Variants in ATP2B2 observed in about 807,000 individuals in gnomAD.
The protein encoded by ATP2B2 is plasma membrane calcium-transporting ATPase 2.
ATP2B2 carries 15 observed loss-of-function variants against 120.0 expected under a neutral mutation model. That is an observed-to-expected ratio of 0.12 (90% confidence interval 0.08 to 0.19). The LOEUF is 0.19. Ranked by LOEUF, ATP2B2 falls within the 10% of genes least tolerant of loss-of-function variation. The pLI, the probability that ATP2B2 is intolerant of heterozygous loss-of-function variation, is 1.00. For missense variants in ATP2B2, 1,045 were observed against 1,719.8 expected, an observed-to-expected ratio of 0.61 and a Z score of 6.94; for synonymous variants, 694 against 700.3, an observed-to-expected ratio of 0.99 and a Z score of 0.14.
At chr3:10,488,618 C>T (rs374934086) in intron 1 of ATP2B2, among the ~76,000 whole-genome samples, 53 of 152,038 alleles carry the variant, frequency 3.5e-4, no homozygotes, top group Non-Finnish European at 4.1e-4. Flanking sequence ...CTAGACAATG[C>T]GCTAGGTTCT....
intron 2 of ATP2B2, among the ~76,000 whole-genome samples, chr3:10,417,828 GA>G (rs2062841632): frequency 6.6e-6 from 1 of 152,202 alleles, no homozygotes; most frequent in South Asian, 2.1e-4. Context: ...GAAGGGCTGT[GA>G]AAAGGCAAGA....
chr3:10,582,756 C>T (rs540806193), intron 2 of ATP2B2, among the ~76,000 whole-genome samples: 12 of 152,236 alleles, frequency 7.9e-5, no homozygotes, highest in Non-Finnish European at 1.6e-4. Context: ...AGGGCAGGGC[C>T]CTGGATTGTG....
At chr3:10,511,121 C>T (rs1046982823) in intron 3 of ATP2B2, among the ~76,000 whole-genome samples, 3 of 152,134 alleles carry the variant, frequency 2.0e-5, no homozygotes, top group Non-Finnish European at 4.4e-5. Context: ...CTTGCATTTC[C>T]GTGCCTCTGC....
intron 7 of ATP2B2, among the ~76,000 whole-genome samples, chr3:10,385,862 C>T (rs1468303953): frequency 6.6e-6 from 1 of 152,240 alleles, no homozygotes; most frequent in Non-Finnish European, 1.5e-5. Context: ...CAGGCCATTG[C>T]CTCCTTCCTT....
intron 1 of ATP2B2, among the ~76,000 whole-genome samples, chr3:10,472,846 G>C (rs1359799478): frequency 6.6e-6 from 1 of 152,160 alleles, no homozygotes; most frequent in Non-Finnish European, 1.5e-5. Flanking sequence ...TAGCAGTGTC[G>C]GCTAATGTTT....
intron 2 of ATP2B2, among the ~76,000 whole-genome samples, chr3:10,416,762 T>C (rs2125045286): frequency 6.6e-6 from 1 of 151,470 alleles, no homozygotes; most frequent in East Asian, 1.9e-4. Flanking sequence ...CTTTTTCTTT[T>C]TCTTTTTTTT....
In ATP2B2 at chr3:10,606,972, G is replaced by C. The variant is rs1404383972; in HGVS notation, c.-415+12945C>G. On this transcript the variant is annotated intron_variant, in intron 2 of 21. Transcript: ENST00000646379. Reference sequence around the variant, plus strand: ...AGAGGGGGAGGGGGGGAGAGAGAGAGAGAGAGAAAGAAAGAGAGAGAGAGA... The same window carrying C: ...AGAGGGGGAGGGGGGGAGAGAGAGACAGAGAGAAAGAAAGAGAGAGAGAGA... Among the ~76,000 whole-genome samples, 2 of 72,844 alleles carry C rather than the reference G, an allele frequency of 2.7e-5. 1 individual carries two copies. Among genetic ancestry groups the C allele is most frequent in the Non-Finnish European group, 5.2e-5 (2 of 38,326 alleles). The allele number at this position is 72,844 out of a possible 152,430, so 47.8% of individuals were successfully genotyped here.
At chr3:10,577,718 C>T (rs1380747415) in intron 2 of ATP2B2, among the ~76,000 whole-genome samples, 1 of 152,184 alleles carries the variant, frequency 6.6e-6, no homozygotes, top group Non-Finnish European at 1.5e-5. Flanking sequence ...TTGGCAAGCT[C>T]ATGGGGATGC....
chr3:10,386,819 T>C (rs1468254893), intron 6 of ATP2B2, among the ~76,000 whole-genome samples: 1 of 152,180 alleles, frequency 6.6e-6, no homozygotes, highest in Non-Finnish European at 1.5e-5. Flanking sequence ...ATGAGGCTAT[T>C]TTTCTGACAT....
In ATP2B2 at chr3:10,595,507, C is replaced by T. The variant is rs191452491; in HGVS notation, c.-415+24410G>A. The stretch of plus-strand genomic sequence containing the variant: ...AACAGCCCTGTAAATAAACTATTAC[C>T]CTCACGGTGCAGATAAGGAAACAGA... On this transcript the variant is annotated intron_variant, in intron 2 of 21. Coordinates refer to the ATP2B2 transcript ENST00000646379. Among the ~76,000 whole-genome samples the T allele has an allele frequency of 1.1e-3, 175 of 152,212 alleles. 1 individual carries two copies. The highest frequency in any genetic ancestry group is 1.9e-3 in the Non-Finnish European group (132 of 68,008).
chr3:10,551,517 C>T (rs1418278864), intron 2 of ATP2B2, among the ~76,000 whole-genome samples: 1 of 152,210 alleles, frequency 6.6e-6, no homozygotes, highest in Non-Finnish European at 1.5e-5. Flanking sequence ...TATTCCACAG[C>T]CCTGCTTTGG....
At chr3:10,377,421 G>A (rs1042286931) in intron 10 of ATP2B2, among the ~76,000 whole-genome samples, 5 of 152,222 alleles carry the variant, frequency 3.3e-5, no homozygotes, top group Admixed American at 1.3e-4. Flanking sequence ...CCTTCCCCAT[G>A]CTGTGGTGTC....
At chr3:10,353,454 C>T (rs573783050) in intron 14 of ATP2B2, among the ~76,000 whole-genome samples, 1 of 152,306 alleles carries the variant, frequency 6.6e-6, no homozygotes, top group East Asian at 1.9e-4. Flanking sequence ...GTCCACTCTG[C>T]ACTGGCAGAG....
At chr3:10,413,409 C>T (rs1392712779) in intron 2 of ATP2B2, among the ~76,000 whole-genome samples, 1 of 152,232 alleles carries the variant, frequency 6.6e-6, no homozygotes, top group Non-Finnish European at 1.5e-5. Flanking sequence ...TTGGTGCAGG[C>T]AAGCTCTTGG....
At chr3:10,523,477 G>C (rs1340202427) in intron 3 of ATP2B2, among the ~76,000 whole-genome samples, 1 of 152,184 alleles carries the variant, frequency 6.6e-6, no homozygotes, top group Admixed American at 6.5e-5. Context: ...ATTGCTCATG[G>C]AAGGCGGAAT....
intron 2 of ATP2B2, among the ~76,000 whole-genome samples, chr3:10,598,955 A>G (rs906438898): frequency 6.6e-6 from 1 of 152,246 alleles, no homozygotes; most frequent in Non-Finnish European, 1.5e-5. Flanking sequence ...GGAAAAGCAT[A>G]TCTGATAACA....
chr3:10,707,603 G>A lies in ATP2B2; in HGVS notation c.-460+312C>T, dbSNP rs192363721. Reference sequence around the variant, plus strand: ...GCCCCCCCAGCTCCGGGGCTGCTCCGAGCCCGGAAAGTTTTCGCGCAGCAG... The same window carrying A: ...GCCCCCCCAGCTCCGGGGCTGCTCCAAGCCCGGAAAGTTTTCGCGCAGCAG... On this transcript the variant is annotated intron_variant, in intron 1 of 21. Transcript: ENST00000646379. Among the ~76,000 whole-genome samples the A allele has an allele frequency of 2.3e-3, 350 of 152,172 alleles. 2 individuals are homozygous for A. The highest frequency in any genetic ancestry group is 7.8e-3 in the African/African-American group (326 of 41,542).
At chr3:10,663,462 G>T (rs564899722) in intron 1 of ATP2B2, among the ~76,000 whole-genome samples, 3 of 152,274 alleles carry the variant, frequency 2.0e-5, no homozygotes, top group African/African-American at 7.2e-5. Flanking sequence ...GCAGCTGCAA[G>T]CCTGATGCTG....
At chr3:10,500,253 C>T (rs1436697234) in intron 1 of ATP2B2, among the ~76,000 whole-genome samples, 1 of 151,994 alleles carries the variant, frequency 6.6e-6, no homozygotes, top group Non-Finnish European at 1.5e-5. Flanking sequence ...TGGGCACATT[C>T]TTAATGTCTC....
Sources: gnomAD v4.1 joint callset for allele counts (sites outside exome capture counted in the v4.1 genomes callset) on GRCh38, gnomAD v4.1.1 for gene constraint, MANE v1.5 for transcripts, NCBI Gene and HGNC (gene_info 2026-07-23, HGNC 2026-07-21) for gene names.